NF1: variants seen among roughly 807,000 people sequenced by gnomAD.
NF1 encodes the protein neurofibromin.
In NF1, 122 loss-of-function variants were observed where a neutral mutation model predicts 325.7. The observed-to-expected ratio is 0.37, with a 90% CI of 0.32 to 0.44. The LOEUF is 0.44. Among genes scored for constraint, NF1 ranks in the 20% least tolerant of loss-of-function variants. NF1 has a pLI of 1.00. For missense variants in NF1, 2,140 were observed against 3,415.4 expected (o/e 0.63, Z 9.31); for synonymous variants, 1,091 against 1,186.0 (o/e 0.92, Z 1.65).
intron 1 of NF1, among the ~76,000 whole-genome samples, chr17:31,123,036 G>A (rs1004911444): frequency 6.6e-6 from 1 of 152,160 alleles, no homozygotes; most frequent in African/African-American, 2.4e-5. Context: ...TATAAACTTA[G>A]CACAGTGGCA....
chr17:31,340,797 C>A, intron 47 of NF1, 152 bp downstream of exon 47: 2 of 725,306 alleles, frequency 2.8e-6, no homozygotes, highest in Non-Finnish European at 2.2e-6. Flanking sequence ...TCCTTACCAG[C>A]TCATAAAGAA....
intron 1 of NF1, among the ~76,000 whole-genome samples, chr17:31,112,996 A>T (rs1289708495): frequency 2.0e-5 from 3 of 152,192 alleles, no homozygotes; most frequent in Non-Finnish European, 4.4e-5. Flanking sequence ...CTATAATAAA[A>T]TATCAAGTCA....
At chr17:31,295,261 G>A (rs1348447627) in intron 36 of NF1, 3 of 1,613,950 alleles carry the variant, frequency 1.9e-6, no homozygotes, top group Non-Finnish European at 2.5e-6. Flanking sequence ...TTCCATCTTG[G>A]AGATGAATAG....
At chr17:31,203,198 A>G (rs2066560953) in intron 11 of NF1, among the ~76,000 whole-genome samples, 1 of 152,128 alleles carries the variant, frequency 6.6e-6, no homozygotes, top group African/African-American at 2.4e-5. Flanking sequence ...TGCATGCCTC[A>G]GTGTACTTGG....
intron 2 of NF1, 126 bp downstream of exon 2, chr17:31,156,252 CTTATT>C (rs1241717091): frequency 1.2e-5 from 14 of 1,150,722 alleles, no homozygotes; most frequent in Non-Finnish European, 7.6e-6. Context: ...AACCATTAAT[CTTATT>C]TTGTTTACGA....
In NF1 at chr17:31,376,547, C is replaced by G. The variant is rs1056297951; in HGVS notation, c.*2392C>G. ...GACTTTTGAGGAAAATCTAGCTTTC[C>G]AAGTAACTAAAATGTACATGAGATA... On this transcript the variant is annotated 3_prime_UTR_variant, in exon 58 of 58. Coordinates refer to ENST00000358273, the MANE Select transcript of NF1 (RefSeq NM_001042492.3). 4.3e-6 allele frequency: 1 copy of G among 232,682 alleles called. No homozygotes were observed. Among genetic ancestry groups the G allele is most frequent in the African/African-American group, 2.2e-5 (1 of 45,296 alleles). 14.4% of individuals were successfully genotyped at this position (232,682 alleles called of 1,614,324 possible). A position where few individuals can be genotyped will look rare whatever the true frequency, so the allele number is the denominator to read the frequency against.
intron 8 of NF1, chr17:31,183,310 T>C (rs959591869): frequency 6.5e-6 from 1 of 154,380 alleles, no homozygotes; most frequent in Non-Finnish European, 1.4e-5. Context: ...CATTTTTTGC[T>C]GCTTTTGGAG....
At chr17:31,318,037 C>T (rs2069070752) in intron 36 of NF1, 1 of 407,886 alleles carries the variant, frequency 2.5e-6, no homozygotes, top group Admixed American at 4.1e-5. Flanking sequence ...CTCTATTAAT[C>T]AGTTTCCTCA....
intron 1 of NF1, among the ~76,000 whole-genome samples, chr17:31,144,595 C>T (rs1916459055): frequency 1.3e-5 from 2 of 152,148 alleles, no homozygotes; most frequent in African/African-American, 2.4e-5. Flanking sequence ...ACATGTCTGG[C>T]TCCTCAGTGT....
intron 3 of NF1, among the ~76,000 whole-genome samples, chr17:31,162,501 A>G (rs1048675630): frequency 1.3e-5 from 2 of 152,188 alleles, no homozygotes; most frequent in African/African-American, 2.4e-5. Context: ...TTGGATCCTT[A>G]TTGAATAAAA....
intron 13 of NF1, among the ~76,000 whole-genome samples, chr17:31,217,464 A>G (rs2066839282): frequency 6.6e-6 from 1 of 151,736 alleles, no homozygotes. Flanking sequence ...AGCACCCGCC[A>G]CCAAACCGGC....
chr17:31,207,536 A>G (rs1203972252), intron 12 of NF1, among the ~76,000 whole-genome samples: 1 of 152,054 alleles, frequency 6.6e-6, no homozygotes, highest in Non-Finnish European at 1.5e-5. Flanking sequence ...ATATTTTGGG[A>G]TTATTGAGCC....
intron 5 of NF1, among the ~76,000 whole-genome samples, chr17:31,175,705 C>T (rs2953004): frequency 0.71 from 108,115 of 151,370 alleles, 38,943 homozygotes; most frequent in Middle Eastern, 0.83. Flanking sequence ...GGCACCGATG[C>T]GTGATGGTCC....
chr17:31,113,932 AATTGTATTG>A (rs1479937780), intron 1 of NF1, among the ~76,000 whole-genome samples: 1 of 152,190 alleles, frequency 6.6e-6, no homozygotes, highest in Admixed American at 6.5e-5. Context: ...AGAGTCTCAT[AATTGTATTG>A]ATTTCTGGGG....
chr17:31,261,679 A>T (rs573457089), intron 34 of NF1, 32 bp from the exon 35 acceptor site: 1 of 1,611,542 alleles, frequency 6.2e-7, no homozygotes, highest in Non-Finnish European at 8.5e-7. Flanking sequence ...GTGAACTGCT[A>T]ATTTTTTTTC....
At chr17:31,223,092 A>G (rs1468916619) in intron 15 of NF1, among the ~76,000 whole-genome samples, 1 of 152,216 alleles carries the variant, frequency 6.6e-6, no homozygotes, top group East Asian at 1.9e-4. Flanking sequence ...GGTAGCTTGC[A>G]GACCCCCACT....
rs752208826 is a variant in NF1 at position 31,159,042 on chromosome 17, A to G, written c.237A>G (p.Leu79=). ...RIFGEAAEKN[L]YLSQLIILDT... is the part of the protein sequence containing the mutation. ...TTGGAGAAGCTGCTGAAAAAAATTT[A>G]TATCTCTCTCAGTTGATTATATTGG... The change falls in exon 3 of 58, where the codon TTA becomes TTG. Residue 79 remains leucine, a synonymous_variant. Coordinates refer to ENST00000358273, the MANE Select transcript of NF1 (RefSeq NM_001042492.3). 3.1e-6 allele frequency: 5 copies of G among 1,608,988 alleles called. No homozygotes were observed. Among genetic ancestry groups the G allele is most frequent in the Non-Finnish European group, 3.4e-6 (4 of 1,175,606 alleles).
chr17:31,282,328 G>A (rs985323147), intron 36 of NF1, among the ~76,000 whole-genome samples: 2 of 149,398 alleles, frequency 1.3e-5, no homozygotes, highest in African/African-American at 5.0e-5. Flanking sequence ...CTTGCAGTGA[G>A]CTGAGATAGC....
At chr17:31,190,478 A>G (rs963883313) in intron 8 of NF1, among the ~76,000 whole-genome samples, 2 of 152,142 alleles carry the variant, frequency 1.3e-5, no homozygotes, top group African/African-American at 2.4e-5. Context: ...ATCTAAGAAA[A>G]TATTTTAGCT....
Sources: allele counts gnomAD v4.1 joint callset (sites outside exome capture counted in the v4.1 genomes callset), GRCh38; gene constraint gnomAD v4.1.1; transcripts MANE v1.5; gene names NCBI Gene and HGNC (gene_info 2026-07-23, HGNC 2026-07-21).